KIAA1328: variants seen among roughly 807,000 people sequenced by gnomAD.
The protein encoded by KIAA1328 is KIAA1328.
KIAA1328 carries 52 observed loss-of-function variants against 68.1 expected under a neutral mutation model. That is an observed-to-expected ratio of 0.76 (90% CI 0.61 to 0.96). KIAA1328 has a LOEUF of 0.96. Ranked by LOEUF, KIAA1328 falls within the 40% of genes least tolerant of loss-of-function variation. The pLI, the probability that KIAA1328 is intolerant of heterozygous loss-of-function variation, is 0.00. For missense variants in KIAA1328, 641 were observed against 677.6 expected, an observed-to-expected ratio of 0.95 and a Z score of 0.60; for synonymous variants, 232 against 239.4, an observed-to-expected ratio of 0.97 and a Z score of 0.28.
chr18:37,227,111 A>G (rs1012890803), downstream of KIAA1328, among the ~76,000 whole-genome samples: 2 of 152,222 alleles, frequency 1.3e-5, no homozygotes, highest in Non-Finnish European at 2.9e-5. Flanking sequence ...ACCAAAGCCT[A>G]ATCCAGAGCA....
intron 6 of KIAA1328, among the ~76,000 whole-genome samples, chr18:36,978,424 A>G (rs1346100870): frequency 6.6e-6 from 1 of 152,230 alleles, no homozygotes; most frequent in African/African-American, 2.4e-5. Flanking sequence ...TGGTGGAAAC[A>G]GTTCAGAAAT....
intron 4 of KIAA1328, among the ~76,000 whole-genome samples, chr18:36,869,381 G>A (rs72885291): frequency 0.14 from 20,754 of 151,960 alleles, 1,764 homozygotes; most frequent in Admixed American, 0.18. Flanking sequence ...TTTCTTTTGC[G>A]TAGTATGTGG....
chr18:37,031,496 A>G (rs2054826831), intron 6 of KIAA1328, among the ~76,000 whole-genome samples: 1 of 152,114 alleles, frequency 6.6e-6, no homozygotes, highest in African/African-American at 2.4e-5. Context: ...GCTTTTTTAT[A>G]ATTAGTATTT....
At chr18:37,191,644 T>A (rs1304869764) in intron 9 of KIAA1328, among the ~76,000 whole-genome samples, 3 of 152,144 alleles carry the variant, frequency 2.0e-5, no homozygotes, top group Admixed American at 2.0e-4. Context: ...TTGACCCATA[T>A]ATGGTTGATC....
At chr18:37,171,459 C>T (rs925907668) in intron 8 of KIAA1328, among the ~76,000 whole-genome samples, 7 of 152,152 alleles carry the variant, frequency 4.6e-5, no homozygotes, top group Non-Finnish European at 8.8e-5. Flanking sequence ...ATCCTCCTGC[C>T]TTGGCCTCCC....
At chr18:37,043,409 T>C (rs1230451978) in intron 6 of KIAA1328, among the ~76,000 whole-genome samples, 3 of 152,218 alleles carry the variant, frequency 2.0e-5, no homozygotes, top group African/African-American at 4.8e-5. Flanking sequence ...AAAGTTGTTA[T>C]TGCTGTCATT....
intron 6 of KIAA1328, among the ~76,000 whole-genome samples, chr18:37,046,966 A>G (rs1471933166): frequency 1.3e-5 from 2 of 152,148 alleles, no homozygotes; most frequent in Non-Finnish European, 2.9e-5. Flanking sequence ...CCCCATCTCT[A>G]CTAAAAATAC....
intron 8 of KIAA1328, among the ~76,000 whole-genome samples, chr18:37,161,159 A>T (rs904620308): frequency 6.6e-6 from 1 of 151,894 alleles, no homozygotes; most frequent in Non-Finnish European, 1.5e-5. Context: ...ATTAACCCAG[A>T]TTTCCTTCTT....
Position 36,997,120 on chromosome 18 carries a change from A to G in KIAA1328, c.576+37685A>G, listed in dbSNP as rs545768741. On this transcript the variant is annotated intron_variant, in intron 6 of 9. Coordinates refer to ENST00000280020, the MANE Select transcript of KIAA1328 (RefSeq NM_020776.3). ...CTCCATCCCCACCTGTGAAAAAAAAAATTACTTTTAAAGGAAGACTAGTAG... is the reference window on the plus strand; with the variant it reads ...CTCCATCCCCACCTGTGAAAAAAAAGATTACTTTTAAAGGAAGACTAGTAG... Among the ~76,000 whole-genome samples the G allele has an allele frequency of 2.0e-5, 3 of 152,204 alleles. No individual in the cohort carries two copies. The South Asian group carries it at 6.2e-4, about 32-fold the overall frequency.
At chr18:36,998,890 C>G (rs979226441) in intron 6 of KIAA1328, among the ~76,000 whole-genome samples, 3 of 152,130 alleles carry the variant, frequency 2.0e-5, no homozygotes, top group Non-Finnish European at 4.4e-5. Flanking sequence ...AATATGATAC[C>G]TTCAAAGGAT....
At chr18:37,191,895 T>C (rs959606049) in intron 9 of KIAA1328, among the ~76,000 whole-genome samples, 5 of 152,190 alleles carry the variant, frequency 3.3e-5, no homozygotes, top group Admixed American at 6.5e-5. Context: ...GATTTTGCCC[T>C]TTGGCACCCT....
At chr18:37,008,867 G>A (rs2053876660) in intron 6 of KIAA1328, among the ~76,000 whole-genome samples, 1 of 152,082 alleles carries the variant, frequency 6.6e-6, no homozygotes, top group Non-Finnish European at 1.5e-5. Context: ...GTCTTAAGAA[G>A]GGGAAAAAGA....
rs556546326 is a variant in KIAA1328 at position 36,984,692 on chromosome 18, A to C, written c.576+25257A>C. On this transcript the variant is annotated intron_variant, in intron 6 of 9. Transcript: ENST00000280020. ...GGAGGCTGAGACAAGCGGATCATGA[A>C]GTCAAGAGATCGAGGCCATCCTGGC... is the stretch of plus-strand genomic sequence containing the variant. Among the ~76,000 whole-genome samples, 34 of 152,070 alleles carry C rather than the reference A, an allele frequency of 2.2e-4. No individual in the cohort carries two copies. In the South Asian group the frequency reaches 7.1e-3, roughly 32 times the overall value.
chr18:36,893,280 T>C (rs2048750605), intron 5 of KIAA1328, among the ~76,000 whole-genome samples: 1 of 152,052 alleles, frequency 6.6e-6, no homozygotes, highest in Non-Finnish European at 1.5e-5. Context: ...TTCTTATTTA[T>C]TTATTTATTT....
intron 5 of KIAA1328, among the ~76,000 whole-genome samples, chr18:36,932,725 T>G (rs1205998811): frequency 6.6e-6 from 1 of 152,218 alleles, no homozygotes; most frequent in Non-Finnish European, 1.5e-5. Context: ...GGATCAATTT[T>G]CCTGCTAATT....
intron 7 of KIAA1328, among the ~76,000 whole-genome samples, chr18:37,138,499 A>G (rs1030791316): frequency 6.6e-6 from 1 of 152,214 alleles, no homozygotes; most frequent in African/African-American, 2.4e-5. Flanking sequence ...GATTTGGCAT[A>G]AGTAAATTAA....
At chr18:36,956,230 G>A (rs1461212639) in intron 5 of KIAA1328, among the ~76,000 whole-genome samples, 1 of 151,958 alleles carries the variant, frequency 6.6e-6, no homozygotes, top group Non-Finnish European at 1.5e-5. Context: ...TTATTTATTT[G>A]TGCTACCTCA....
Position 36,948,066 on chromosome 18 carries a change from C to T in KIAA1328, c.449-11242C>T, listed in dbSNP as rs550581098. On this transcript the variant is annotated intron_variant, in intron 5 of 9. Coordinates refer to ENST00000280020, the MANE Select transcript of KIAA1328 (RefSeq NM_020776.3). ...TTTTTCAGGTTTACTTTGGAATGCC[C>T]TCGGCCAAGAGCGGCCTTCATTCAG... is the stretch of plus-strand genomic sequence containing the variant. Among the ~76,000 whole-genome samples, 18 of 152,204 alleles carry T rather than the reference C, an allele frequency of 1.2e-4. No individual in the cohort carries two copies. In the South Asian group the frequency reaches 2.7e-3, roughly 23 times the overall value.
Position 36,936,727 on chromosome 18 carries a change from A to G in KIAA1328, c.449-22581A>G, listed in dbSNP as rs1030495744. Among the ~76,000 whole-genome samples, 4 of 152,174 alleles carry G rather than the reference A, an allele frequency of 2.6e-5. No individual in the cohort carries two copies. In the East Asian group the frequency reaches 7.7e-4, roughly 29 times the overall value. On this transcript the variant is annotated intron_variant, in intron 5 of 9. Coordinates refer to ENST00000280020, the MANE Select transcript of KIAA1328 (RefSeq NM_020776.3). ...AATGGTTGAACTAATTTACATCCCT[A>G]CCAACAGCATATAAGCTTTTCTATT...
Sources: allele counts gnomAD v4.1 joint callset (sites outside exome capture counted in the v4.1 genomes callset), GRCh38; gene constraint gnomAD v4.1.1; transcripts MANE v1.5; gene names NCBI Gene and HGNC (gene_info 2026-07-23, HGNC 2026-07-21).